STAT4: variants seen among roughly 807,000 people sequenced by gnomAD.
STAT4 encodes signal transducer and activator of transcription 4.
In STAT4, 42 loss-of-function variants were observed where a neutral mutation model predicts 110.5. The ratio of observed to expected loss-of-function variants is 0.38; its 90% CI spans 0.30 to 0.49. The LOEUF is 0.49. STAT4 is among the 20% of genes least tolerant of loss of function. STAT4 has a pLI of 0.95. For synonymous variants in STAT4, 284 were observed against 302.2 expected (o/e 0.94, Z 0.63); for missense variants, 632 against 887.9 (o/e 0.71, Z 3.66).
chr2:191,122,506 T>C (rs189475303), intron 3 of STAT4, among the ~76,000 whole-genome samples: 26 of 152,284 alleles, frequency 1.7e-4, no homozygotes, highest in Non-Finnish European at 3.5e-4. Context: ...TCTGGGAATA[T>C]GCTCAAAAGA....
chr2:191,120,753 A>T (rs1279305670), intron 3 of STAT4, among the ~76,000 whole-genome samples: 1 of 152,218 alleles, frequency 6.6e-6, no homozygotes, highest in Non-Finnish European at 1.5e-5. Context: ...TCCCTTCCTT[A>T]CACCTTATAT....
At chr2:191,076,648 C>CTTT (rs71403210) in intron 3 of STAT4, among the ~76,000 whole-genome samples, 3 of 136,710 alleles carry the variant, frequency 2.2e-5, no homozygotes, top group Admixed American at 7.3e-5. Flanking sequence ...CAGGTTTTTT[C>CTTT]TTTTTTTTTT....
At chr2:191,141,685 C>T (rs1012802560) in intron 3 of STAT4, among the ~76,000 whole-genome samples, 1 of 151,264 alleles carries the variant, frequency 6.6e-6, no homozygotes, top group African/African-American at 2.4e-5. Context: ...GGCTGGAGTG[C>T]AGTGGCACTA....
chr2:191,140,597 GC>G lies in STAT4; in HGVS notation c.273+6015del, dbSNP rs898454288. 5.3e-5 allele frequency among the ~76,000 whole-genome samples: 8 copies of G among 152,230 alleles called. No individual in the cohort carries two copies. The highest frequency in any genetic ancestry group is 2.6e-4 in the Admixed American group (4 of 15,288). On this transcript the variant is annotated intron_variant, in intron 3 of 23. Coordinates refer to ENST00000392320, the MANE Select transcript of STAT4 (RefSeq NM_003151.4). The surrounding 1 kb of genome is among the most constrained non-coding windows in gnomAD (Gnocchi z 4.4). ...ATGAAAAAGTCAAAAACCAATAGAC[GC>G]TGGCATGGATGTAGTGAAAAGGGAA... is the stretch of plus-strand genomic sequence containing the variant.
rs1697550151 is a variant in STAT4, at chr2:191,083,668, A to AAAGG, written c.274-7344_274-7343insCCTT. ...TCACATTTTTGAATTAGAAATGTGC[A>AAAGG]ACCTACTGCGTACTTCTGGTTGCCA... is the stretch of plus-strand genomic sequence containing the variant. On this transcript the variant is annotated intron_variant, in intron 3 of 23. Coordinates refer to ENST00000392320, the MANE Select transcript of STAT4 (RefSeq NM_003151.4). This position sits in a 1 kb window ranked among gnomAD's most constrained non-coding sequence, Gnocchi z 4.6. Among the ~76,000 whole-genome samples, 1 of 152,180 alleles carries AAAGG rather than the reference A, an allele frequency of 6.6e-6. No individual in the cohort carries two copies. Among genetic ancestry groups the AAAGG allele is most frequent in the Non-Finnish European group, 1.5e-5 (1 of 68,028 alleles).
At chr2:191,048,971 A>G (rs1269808548) in intron 14 of STAT4, among the ~76,000 whole-genome samples, 3 of 151,828 alleles carry the variant, frequency 2.0e-5, no homozygotes, top group Non-Finnish European at 4.4e-5. Flanking sequence ...GTACTTCTAA[A>G]GAAAAATACC....
At chr2:191,041,905 T>G (rs1696209189) in intron 14 of STAT4, among the ~76,000 whole-genome samples, 1 of 152,184 alleles carries the variant, frequency 6.6e-6, no homozygotes, top group Non-Finnish European at 1.5e-5. Flanking sequence ...ACAGAGGCTC[T>G]CTACATTCTG....
At chr2:191,069,433 A>G (rs1024216366) in intron 6 of STAT4, among the ~76,000 whole-genome samples, 82 of 152,188 alleles carry the variant, frequency 5.4e-4, no homozygotes, top group African/African-American at 1.9e-3. Context: ...TTCCTCATGC[A>G]GTTTGAAATT....
chr2:191,139,526 C>A (rs1008850173), intron 3 of STAT4, among the ~76,000 whole-genome samples: 3 of 152,102 alleles, frequency 2.0e-5, no homozygotes, highest in Non-Finnish European at 4.4e-5. Flanking sequence ...GAAAGAAATA[C>A]TTGGGAATAT....
intron 3 of STAT4, among the ~76,000 whole-genome samples, chr2:191,114,687 G>A (rs1310617904): frequency 3.3e-5 from 5 of 152,088 alleles, no homozygotes; most frequent in Admixed American, 6.6e-5. Flanking sequence ...AAGCACTGGG[G>A]CTCTCCTACC....
chr2:191,052,735 G>A (rs1244110043), intron 14 of STAT4, among the ~76,000 whole-genome samples: 1 of 152,218 alleles, frequency 6.6e-6, no homozygotes, highest in Non-Finnish European at 1.5e-5. Flanking sequence ...TGAATGAAAT[G>A]TTGCAACTCT....
chr2:191,119,794 T>A (rs1270668683), intron 3 of STAT4, among the ~76,000 whole-genome samples: 2 of 152,232 alleles, frequency 1.3e-5, no homozygotes, highest in Admixed American at 1.3e-4. Flanking sequence ...GGTAGTTATC[T>A]ATAATGTGGT....
In STAT4 at chr2:191,132,035, C is replaced by A. The variant is rs1248971178; in HGVS notation, c.273+14578G>T. The stretch of plus-strand genomic sequence containing the variant: ...ACACTAAATTACAATTGGAACATAA[C>A]TGAAGAGAAACGTTTCTTAAGAAAC... On this transcript the variant is annotated intron_variant, in intron 3 of 23. Transcript: ENST00000392320. The A allele has an allele frequency of 9.0e-6, 10 of 1,105,720 alleles. No homozygotes were observed. The African/African-American group carries it at 9.9e-5, about 11-fold the overall frequency. The allele number at this position is 1,105,720 out of a possible 1,614,324, so 68.5% of individuals were successfully genotyped here.
rs1445626663 is a variant in STAT4, at chr2:191,058,932, T to G, written c.1035-163A>C. ...GTGTGTTTTAAAAATGTATAATGCC[T>G]CTTTAGTTTGCCATGTAACTAATGT... On this transcript the variant is annotated intron_variant, in intron 10 of 23. Coordinates refer to ENST00000392320, the MANE Select transcript of STAT4 (RefSeq NM_003151.4). The surrounding 1 kb of genome is among the most constrained non-coding windows in gnomAD (Gnocchi z 4.3). Among the ~76,000 whole-genome samples the G allele has an allele frequency of 6.6e-6, 1 of 152,220 alleles. No homozygotes were observed. Among genetic ancestry groups the G allele is most frequent in the East Asian group, 1.9e-4 (1 of 5,200 alleles).
intron 3 of STAT4, among the ~76,000 whole-genome samples, chr2:191,134,954 C>T (rs1699136871): frequency 6.6e-6 from 1 of 151,014 alleles, no homozygotes; most frequent in Non-Finnish European, 1.5e-5. Flanking sequence ...TAAACACCTA[C>T]ATAAAAAGAT....
chr2:191,071,992 C>A (rs969190659), intron 5 of STAT4, among the ~76,000 whole-genome samples: 3 of 152,124 alleles, frequency 2.0e-5, no homozygotes, highest in African/African-American at 4.8e-5. Flanking sequence ...TCCCCACAAC[C>A]CCCTGTCACT....
In STAT4 at chr2:191,036,144, CTCTA is replaced by C. The variant is rs781354744; in HGVS notation, c.1570+16_1570+19del. ...AGGGCCAAAAACAGAGGCAAATCCT[CTCTA>C]TCTACCAGCTCTCACCTGTAAGCTT... On this transcript the variant is annotated intron_variant, in intron 17 of 23. Transcript: ENST00000392320. 20 of 1,609,422 alleles carry C rather than the reference CTCTA, an allele frequency of 1.2e-5. No individual in the cohort carries two copies. In the East Asian group the frequency reaches 3.6e-4, roughly 29 times the overall value.
intron 3 of STAT4, among the ~76,000 whole-genome samples, chr2:191,124,378 C>T (rs1429556867): frequency 1.3e-5 from 2 of 150,974 alleles, no homozygotes; most frequent in Non-Finnish European, 2.9e-5. Context: ...TCACTTGAAC[C>T]CAGGAGAAGG....
intron 13 of STAT4, among the ~76,000 whole-genome samples, chr2:191,057,739 C>CA (rs1307713022): frequency 6.6e-6 from 1 of 151,674 alleles, no homozygotes; most frequent in Middle Eastern, 3.2e-3. Flanking sequence ...GCTGGGATTA[C>CA]AGGCGCCTGC....
Sources: gnomAD v4.1 joint callset for allele counts (sites outside exome capture counted in the v4.1 genomes callset) on GRCh38, gnomAD v4.1.1 for gene constraint, Gnocchi (gnomAD v3.1) non-coding constraint, MANE v1.5 for transcripts, NCBI Gene and HGNC (gene_info 2026-07-23, HGNC 2026-07-21) for gene names.